The following NT5C1B variants were observed in gnomAD, a reference collection of about 807,000 sequenced individuals.
The protein encoded by NT5C1B is cytosolic 5'-nucleotidase 1B.
Under a neutral mutation model 57.8 loss-of-function variants are expected in NT5C1B, and 44 were observed. That is an observed-to-expected ratio of 0.76 (90% CI 0.60 to 0.98). The LOEUF (loss-of-function observed/expected upper bound fraction) is 0.98, where lower values mean the gene tolerates loss of function less well. NT5C1B is among the 50% of genes least tolerant of loss of function. NT5C1B has a pLI of 0.00. For missense variants in NT5C1B, 742 were observed against 719.5 expected (o/e 1.03, Z -0.36); for synonymous variants, 284 against 282.6 (o/e 1.00, Z -0.05).
intron 8 of NT5C1B, among the ~76,000 whole-genome samples, chr2:18,574,057 G>A (rs1227715199): frequency 6.6e-6 from 1 of 152,114 alleles, no homozygotes; most frequent in African/African-American, 2.4e-5. Context: ...GAAAATATTT[G>A]CAAACTATAC....
At chr2:18,583,517 G>T in intron 5 of NT5C1B, 1 of 275,954 alleles carries the variant, frequency 3.6e-6, no homozygotes, top group East Asian at 8.8e-5. Context: ...TGTCTCATAA[G>T]TACATTCTAC....
chr2:18,571,163 C>T (rs1246413115), intron 8 of NT5C1B, among the ~76,000 whole-genome samples: 1 of 152,110 alleles, frequency 6.6e-6, no homozygotes, highest in Non-Finnish European at 1.5e-5. Context: ...GAACATTGTA[C>T]TGGATGTACT....
rs757534326 is a variant in NT5C1B at position 18,564,012 on chromosome 2, C to T, written c.1437G>A (p.Arg479=). 4.3e-6 allele frequency: 7 copies of T among 1,614,004 alleles called. No individual in the cohort carries two copies. The Admixed American group carries it at 5.0e-5, about 12-fold the overall frequency. ...CACGGGCGCCTGAACTGGCTGCACT[C>T]CTAGCTGTAACCAGGTAGGTCCTGA... Residue 479 remains arginine, a synonymous_variant, in exon 9 of 9, where the codon AGG becomes AGA. Coordinates refer to ENST00000304081, the Ensembl canonical transcript of NT5C1B.
chr2:18,575,707 A>G (rs554308701), intron 8 of NT5C1B, among the ~76,000 whole-genome samples: 1 of 152,276 alleles, frequency 6.6e-6, no homozygotes, highest in Admixed American at 6.5e-5. Flanking sequence ...CATAATTTGC[A>G]CTTGTTTGAG....
At chr2:18,586,929 A>G in intron 2 of NT5C1B, 1 of 1,611,606 alleles carries the variant, frequency 6.2e-7, no homozygotes, top group Non-Finnish European at 8.5e-7. Context: ...TATTTGCCAT[A>G]TTCTTCCCCT....
At chr2:18,571,826 G>T (rs1665218518) in intron 8 of NT5C1B, among the ~76,000 whole-genome samples, 1 of 147,778 alleles carries the variant, frequency 6.8e-6, no homozygotes, top group African/African-American at 2.5e-5. Context: ...CTATAGCCAG[G>T]TGCAGTGGCT....
chr2:18,564,951 T>C (rs1488359610), intron 8 of NT5C1B, among the ~76,000 whole-genome samples: 1 of 152,160 alleles, frequency 6.6e-6, no homozygotes, highest in Non-Finnish European at 1.5e-5. Flanking sequence ...TTAAAAAGAA[T>C]CCCAGATCTA....
chr2:18,581,302 A>C lies in NT5C1B; in HGVS notation c.1021+1566T>G, dbSNP rs1572361820. 3.3e-5 allele frequency among the ~76,000 whole-genome samples: 5 copies of C among 152,196 alleles called. No homozygotes were observed. The South Asian group carries it at 1.0e-3, about 31-fold the overall frequency. On this transcript the variant is annotated intron_variant, in intron 6 of 8. Transcript: ENST00000304081. ...AGATTCCTTTTTTTTAAAAAAAGGA[A>C]TATTCTGAAATTCTGATAACGATTT...
Position 18,584,179 on chromosome 2 carries a change from T to A in NT5C1B, c.800A>T (p.Tyr267Phe). 6.2e-7 allele frequency: 1 copy of A among 1,614,094 alleles called. No homozygotes were observed. Among genetic ancestry groups the A allele is most frequent in the Non-Finnish European group, 8.5e-7 (1 of 1,180,022 alleles). The change falls in exon 5 of 9, where the codon TAC becomes TTC. Residue 267 changes from tyrosine (Y) to phenylalanine (F), a missense_variant. Tyr to Phe is a conservative substitution (Grantham distance 22, BLOSUM62 3). Coordinates refer to ENST00000304081, the Ensembl canonical transcript of NT5C1B. The surrounding 1 kb of genome is among the most constrained non-coding windows in gnomAD (Gnocchi z 5.8). ...GTACTTTTCCAGACCCTCTTGCTCG[T>A]AGATTTTCCTGCCGTCCACCATGTT...
Position 18,564,132 on chromosome 2 carries a change from C to CAT in NT5C1B, c.1330-15_1330-14dup. ...CTTTTAGGGGACCCTGTAAAAGGAA[C>CAT]ATATATCACAGCTGTGATACAGTGA... is the stretch of plus-strand genomic sequence containing the variant. On this transcript the variant is annotated splice_polypyrimidine_tract_variant and intron_variant, in intron 8 of 8. Coordinates refer to ENST00000304081, the Ensembl canonical transcript of NT5C1B. The CAT allele has an allele frequency of 6.5e-7, 1 of 1,540,950 alleles. No homozygotes were observed. Among genetic ancestry groups the CAT allele is most frequent in the Non-Finnish European group, 8.7e-7 (1 of 1,144,144 alleles).
In NT5C1B at chr2:18,586,679, G is replaced by A. The variant is rs1169983346; in HGVS notation, c.121-288C>T. 5.2e-6 allele frequency: 3 copies of A among 579,858 alleles called. No homozygotes were observed. The African/African-American group carries it at 5.6e-5, about 11-fold the overall frequency. The allele number at this position is 579,858 out of a possible 1,614,324, so 35.9% of individuals were successfully genotyped here. On this transcript the variant is annotated intron_variant, in intron 2 of 8. Transcript: ENST00000304081. ...ACTCCTCTTATGTGGATATTAGTAT[G>A]GTTCACCATTGTTCCTCCCTTTTCC...
At chr2:18,563,746 G>C (rs1375643830) in exon 9 of NT5C1B, 2 of 1,443,700 alleles carry the variant, frequency 1.4e-6, no homozygotes, top group Non-Finnish European at 1.8e-6. Context: ...GCCAAAAGAA[G>C]TGGCTTCTGT....
At chr2:18,567,372 C>A (rs977762808) in intron 8 of NT5C1B, among the ~76,000 whole-genome samples, 2 of 152,160 alleles carry the variant, frequency 1.3e-5, no homozygotes, top group Admixed American at 1.3e-4. Context: ...GAATAAGAGA[C>A]TATCAAGGAT....
chr2:18,586,772 G>T (rs1013273050), intron 2 of NT5C1B: 45 of 741,488 alleles, frequency 6.1e-5, no homozygotes, highest in Admixed American at 3.6e-4. Flanking sequence ...TTTTTTACCA[G>T]ACTGTAAAGG....
intron 6 of NT5C1B, among the ~76,000 whole-genome samples, chr2:18,580,304 A>C (rs547902198): frequency 3.9e-5 from 6 of 152,186 alleles, no homozygotes; most frequent in African/African-American, 1.2e-4. Flanking sequence ...GAGGAATATA[A>C]ATTGTTCTAC....
intron 6 of NT5C1B, among the ~76,000 whole-genome samples, chr2:18,578,947 AG>A (rs1665942059): frequency 6.6e-6 from 1 of 152,218 alleles, no homozygotes; most frequent in African/African-American, 2.4e-5. Flanking sequence ...CAGCAGTTTC[AG>A]GATACAAAAT....
At chr2:18,587,177 A>T in intron 2 of NT5C1B, 1 of 1,611,340 alleles carries the variant, frequency 6.2e-7, no homozygotes, top group Non-Finnish European at 8.5e-7. Context: ...GCCTCATCTG[A>T]AAGATTGTGC....
At chr2:18,588,135 A>G (rs1666891543) in intron 1 of NT5C1B, among the ~76,000 whole-genome samples, 1 of 152,218 alleles carries the variant, frequency 6.6e-6, no homozygotes. Flanking sequence ...TTACTCATAG[A>G]TCTAGAGTGG....
In NT5C1B at chr2:18,585,801, C is replaced by T. The variant is rs535046124; in HGVS notation, c.258+453G>A. Reference sequence around the variant, plus strand: ...TCCCAGTGGCTGGGTCTGGGTCATTCGCTCTGCTTCCAAAATCTTAATCTC... The same window carrying T: ...TCCCAGTGGCTGGGTCTGGGTCATTTGCTCTGCTTCCAAAATCTTAATCTC... On this transcript the variant is annotated intron_variant, in intron 3 of 8. Coordinates refer to ENST00000304081, the Ensembl canonical transcript of NT5C1B. Among the ~76,000 whole-genome samples, 20 of 152,216 alleles carry T rather than the reference C, an allele frequency of 1.3e-4. 1 individual carries two copies. The East Asian group carries it at 1.5e-3, about 12-fold the overall frequency.
Sources: allele counts gnomAD v4.1 joint callset (sites outside exome capture counted in the v4.1 genomes callset), GRCh38; gene constraint gnomAD v4.1.1; non-coding constraint Gnocchi (gnomAD v3.1); transcripts MANE v1.5; gene names NCBI Gene and HGNC (gene_info 2026-07-23, HGNC 2026-07-21).